The following MNAT1 variants were observed in gnomAD, a reference collection of about 807,000 sequenced individuals.
The protein encoded by MNAT1 is MNAT1 component of CDK activating kinase.
A neutral mutation model predicts 42.0 loss-of-function variants in MNAT1; 43 were observed. The ratio of observed to expected loss-of-function variants is 1.02; its 90% CI spans 0.80 to 1.32. The LOEUF is 1.32. Ranked by LOEUF, MNAT1 falls within the 40% of genes most tolerant of loss-of-function variation. MNAT1 has a pLI of 0.00. For missense variants in MNAT1, 306 were observed against 350.4 expected, an observed-to-expected ratio of 0.87 and a Z score of 1.01; for synonymous variants, 118 against 120.0, an observed-to-expected ratio of 0.98 and a Z score of 0.11.
chr14:60,949,893 A>ATGTTTTT (rs1330370571), intron 7 of MNAT1, among the ~76,000 whole-genome samples: 2 of 152,174 alleles, frequency 1.3e-5, no homozygotes, highest in Non-Finnish European at 2.9e-5. Context: ...GTTTTTTAAA[A>ATGTTTTT]ACTTGAAATT....
At chr14:60,923,191 A>G (rs1026157007) in intron 7 of MNAT1, among the ~76,000 whole-genome samples, 1 of 152,188 alleles carries the variant, frequency 6.6e-6, no homozygotes, top group Non-Finnish European at 1.5e-5. Flanking sequence ...GTCTCAAACC[A>G]TATATCAGAA....
intron 7 of MNAT1, among the ~76,000 whole-genome samples, chr14:60,946,053 G>T (rs145802985): frequency 2.2e-4 from 33 of 152,218 alleles, no homozygotes; most frequent in African/African-American, 7.5e-4. Context: ...CTGCTTTTGA[G>T]GCCAGTCCCA....
Position 60,882,046 on chromosome 14 carries a change from AG to A in MNAT1, c.809+2212del, listed in dbSNP as rs563720315. 6.6e-4 allele frequency among the ~76,000 whole-genome samples: 101 copies of A among 152,250 alleles called. 3 individuals carry two copies. The South Asian group carries it at 0.017, about 25-fold the overall frequency. ...TATGGTGGTATGCACCTTTAATCAC[AG>A]CTACTTGGGAGGCTGAGGCAGGAGA... On this transcript the variant is annotated intron_variant, in intron 7 of 7. Coordinates refer to ENST00000261245, the MANE Select transcript of MNAT1 (RefSeq NM_002431.4).
At chr14:60,745,528 T>C (rs760047716) in intron 1 of MNAT1, among the ~76,000 whole-genome samples, 5 of 152,192 alleles carry the variant, frequency 3.3e-5, no homozygotes, top group Non-Finnish European at 7.3e-5. Flanking sequence ...GCAATTCTCA[T>C]GCCTCAGCCT....
rs546876440 is a variant in MNAT1, at chr14:60,749,926, G to A, written c.89+14975G>A. Among the ~76,000 whole-genome samples, 85 of 152,260 alleles carry A rather than the reference G, an allele frequency of 5.6e-4. 2 individuals are homozygous for A. In the South Asian group the frequency reaches 0.017, roughly 30 times the overall value. Reference sequence around the variant, plus strand: ...TAGTTGTTGGTGTTTACTAATAAACGTATTTGCAGTCTTTCTCAGACACTC... The same window carrying A: ...TAGTTGTTGGTGTTTACTAATAAACATATTTGCAGTCTTTCTCAGACACTC... On this transcript the variant is annotated intron_variant, in intron 1 of 7. Coordinates refer to ENST00000261245, the MANE Select transcript of MNAT1 (RefSeq NM_002431.4).
At chr14:60,910,767 A>T (rs1259050682) in intron 7 of MNAT1, among the ~76,000 whole-genome samples, 3 of 152,124 alleles carry the variant, frequency 2.0e-5, no homozygotes, top group East Asian at 1.9e-4. Context: ...GTTCTCAAGG[A>T]TATTGGTCTA....
At chr14:60,796,433 G>A in intron 2 of MNAT1, 64 bp downstream of exon 2, 1 of 1,452,802 alleles carries the variant, frequency 6.9e-7, no homozygotes, top group South Asian at 1.3e-5. Context: ...GTCAGTAATT[G>A]ATTATTATTT....
At chr14:60,855,455 T>G (rs920962950) in intron 6 of MNAT1, among the ~76,000 whole-genome samples, 3 of 152,142 alleles carry the variant, frequency 2.0e-5, no homozygotes, top group African/African-American at 7.2e-5. Flanking sequence ...TGTAGGCACA[T>G]GAAGGAATCT....
At chr14:60,845,107 A>C (rs757885818) in intron 6 of MNAT1, among the ~76,000 whole-genome samples, 2 of 151,980 alleles carry the variant, frequency 1.3e-5, no homozygotes, top group African/African-American at 2.4e-5. Flanking sequence ...TTTTATCAGT[A>C]ATGCTAGCAA....
intron 1 of MNAT1, among the ~76,000 whole-genome samples, chr14:60,793,630 C>A (rs1218932485): frequency 6.6e-6 from 1 of 151,646 alleles, no homozygotes; most frequent in Non-Finnish European, 1.5e-5. Flanking sequence ...GCTTTGCCCT[C>A]CCAAAGCACT....
intron 6 of MNAT1, among the ~76,000 whole-genome samples, chr14:60,854,244 C>T (rs935983806): frequency 7.2e-5 from 11 of 152,160 alleles, no homozygotes; most frequent in Admixed American, 5.2e-4. Flanking sequence ...TGAGTTAGAA[C>T]GTGCTCCTTT....
intron 7 of MNAT1, among the ~76,000 whole-genome samples, chr14:60,957,962 C>T (rs539979104): frequency 3.9e-5 from 6 of 152,152 alleles, no homozygotes; most frequent in East Asian, 1.9e-4. Context: ...CCCAACCTCC[C>T]GAGTAGCTGG....
chr14:60,951,979 A>G (rs1046456811), intron 7 of MNAT1, among the ~76,000 whole-genome samples: 1 of 152,168 alleles, frequency 6.6e-6, no homozygotes, highest in Non-Finnish European at 1.5e-5. Context: ...TTTTCCACCC[A>G]TGCCCCAGAT....
chr14:60,949,620 A>G (rs1053187238), intron 7 of MNAT1, among the ~76,000 whole-genome samples: 7 of 152,188 alleles, frequency 4.6e-5, no homozygotes, highest in Admixed American at 4.6e-4. Context: ...TAATGCTACA[A>G]TTTTTAAAAT....
chr14:60,893,266 T>C (rs2034883697), intron 7 of MNAT1, among the ~76,000 whole-genome samples: 1 of 152,102 alleles, frequency 6.6e-6, no homozygotes, highest in Non-Finnish European at 1.5e-5. Flanking sequence ...TTGCAATTTT[T>C]ATATCTAGTA....
At chr14:60,867,327 T>A (rs1399055651) in intron 6 of MNAT1, among the ~76,000 whole-genome samples, 1 of 152,126 alleles carries the variant, frequency 6.6e-6, no homozygotes, top group Non-Finnish European at 1.5e-5. Flanking sequence ...AGAAAATTTT[T>A]GTGAAAATTG....
At chr14:60,735,052 T>G (rs1896265527) in intron 1 of MNAT1, 101 bp downstream of exon 1, 1 of 1,084,794 alleles carries the variant, frequency 9.2e-7, no homozygotes, top group Admixed American at 1.8e-5. Context: ...AGGGCGTTGT[T>G]AGTTTCAACA....
intron 6 of MNAT1, among the ~76,000 whole-genome samples, chr14:60,831,298 A>C (rs1295144390): frequency 6.6e-6 from 1 of 152,004 alleles, no homozygotes; most frequent in African/African-American, 2.4e-5. Flanking sequence ...CATCTACATT[A>C]GGTATTTCTT....
chr14:60,831,252 A>G (rs1005814750), intron 6 of MNAT1, among the ~76,000 whole-genome samples: 2 of 152,130 alleles, frequency 1.3e-5, no homozygotes, highest in African/African-American at 2.4e-5. Context: ...ATAGGTATAC[A>G]CGAGCCATGG....
Sources: gnomAD v4.1 joint callset for allele counts (sites outside exome capture counted in the v4.1 genomes callset) on GRCh38, gnomAD v4.1.1 for gene constraint, MANE v1.5 for transcripts, NCBI Gene and HGNC (gene_info 2026-07-23, HGNC 2026-07-21) for gene names.